KLF13: variants seen among roughly 807,000 people sequenced by gnomAD.
KLF13 encodes the protein KLF transcription factor 13.
In KLF13, 8 loss-of-function variants were observed where a neutral mutation model predicts 16.7. The observed-to-expected ratio is 0.48, with a 90% CI of 0.28 to 0.87. The LOEUF (loss-of-function observed/expected upper bound fraction) is 0.87, where lower values mean the gene tolerates loss of function less well. Ranked by LOEUF, KLF13 falls within the 40% of genes least tolerant of loss-of-function variation. KLF13 has a pLI of 0.10. For missense variants in KLF13, 447 were observed against 452.2 expected, an observed-to-expected ratio of 0.99 and a Z score of 0.10; for synonymous variants, 245 against 208.4, an observed-to-expected ratio of 1.18 and a Z score of -1.51.
chr15:31,429,358 C>T (rs779662162), intron 1 of KLF13, among the ~76,000 whole-genome samples: 2 of 152,116 alleles, frequency 1.3e-5, no homozygotes, highest in South Asian at 2.1e-4. Context: ...TGCCCGATTC[C>T]GCTTACATAT....
At chr15:31,347,500 C>T (rs2039142440) in intron 1 of KLF13, among the ~76,000 whole-genome samples, 1 of 152,184 alleles carries the variant, frequency 6.6e-6, no homozygotes, top group Non-Finnish European at 1.5e-5. Flanking sequence ...GGGGCCCCAC[C>T]TTGACTGTGG....
chr15:31,428,514 T>C (rs555232096), intron 1 of KLF13, among the ~76,000 whole-genome samples: 1 of 152,210 alleles, frequency 6.6e-6, no homozygotes, highest in African/African-American at 2.4e-5. Context: ...TATATAGAAA[T>C]GCCAAGGACC....
rs2038978491 is a variant in KLF13 at position 31,338,934 on chromosome 15, C to T, written c.577+11145C>T. ...AGGTGGGTATACAGGGGAGCAGACC[C>T]CAGGGGGGCCTGAGGAGGGAGGGTG... On this transcript the variant is annotated intron_variant, in intron 1 of 1. Transcript: ENST00000307145. 2.6e-5 allele frequency among the ~76,000 whole-genome samples: 4 copies of T among 152,038 alleles called. No individual in the cohort carries two copies. In the South Asian group the frequency reaches 8.3e-4, roughly 32 times the overall value.
intron 1 of KLF13, among the ~76,000 whole-genome samples, chr15:31,343,914 C>T (rs770941624): frequency 1.3e-5 from 2 of 152,170 alleles, no homozygotes; most frequent in Non-Finnish European, 2.9e-5. Context: ...TACTTCTGGT[C>T]ACTTGTCAGT....
chr15:31,400,553 G>A lies in KLF13; in HGVS notation n.530-2875G>A, dbSNP rs777238795. 1.2e-3 allele frequency among the ~76,000 whole-genome samples: 184 copies of A among 152,312 alleles called. 1 individual carries two copies. Among genetic ancestry groups the A allele is most frequent in the Non-Finnish European group, 5.9e-4 (40 of 68,032 alleles). Reference sequence around the variant, plus strand: ...TGGCTGGTCCCAGAGCTGGGACAGCGGCAAGGCAGGGGGCTGGAGCAGAAC... The same window carrying A: ...TGGCTGGTCCCAGAGCTGGGACAGCAGCAAGGCAGGGGGCTGGAGCAGAAC... On this transcript the variant is annotated intron_variant and non_coding_transcript_variant, in intron 2 of 2. Coordinates refer to the KLF13 transcript ENST00000500533.
chr15:31,349,009 G>A (rs1275560549), intron 1 of KLF13, among the ~76,000 whole-genome samples: 3 of 152,136 alleles, frequency 2.0e-5, no homozygotes. Context: ...CCTTCCAGAG[G>A]CCCCAATTCC....
At chr15:31,406,098 C>G (rs889166101), downstream of KLF13, among the ~76,000 whole-genome samples, 2 of 152,150 alleles carry the variant, frequency 1.3e-5, no homozygotes, top group Admixed American at 6.5e-5. Flanking sequence ...TAAAGTTAAA[C>G]TTCCCAGACT....
rs1020818110 is a variant in KLF13, at chr15:31,373,397, CG to C, written c.*1100del. The stretch of plus-strand genomic sequence containing the variant: ...GACTTGGACCTTTTCAGGAGTGGCG[CG>C]GATGTTACAGGAAATGCTGTCGGAG... On this transcript the variant is annotated 3_prime_UTR_variant, in exon 2 of 2. Coordinates refer to ENST00000307145, the MANE Select transcript of KLF13 (RefSeq NM_015995.4). 6.6e-6 allele frequency: 1 copy of C among 152,232 alleles called. No individual in the cohort carries two copies. The highest frequency in any genetic ancestry group is 2.4e-5 in the African/African-American group (1 of 41,446). 9.4% of individuals were successfully genotyped at this position (152,232 alleles called of 1,614,324 possible).
chr15:31,385,446 G>A (rs1265601806), intron 1 of KLF13, among the ~76,000 whole-genome samples: 1 of 152,158 alleles, frequency 6.6e-6, no homozygotes, highest in African/African-American at 2.4e-5. Flanking sequence ...AGAAATTGAA[G>A]ATTTGTGGCA....
intron 1 of KLF13, among the ~76,000 whole-genome samples, chr15:31,434,085 G>A (rs1256672738): frequency 2.0e-5 from 3 of 152,186 alleles, no homozygotes; most frequent in Non-Finnish European, 4.4e-5. Flanking sequence ...AGGGTAAGAG[G>A]CCTGCCATCA....
intron 1 of KLF13, among the ~76,000 whole-genome samples, chr15:31,352,046 G>A (rs2039225142): frequency 6.6e-6 from 1 of 151,732 alleles, no homozygotes; most frequent in Admixed American, 6.6e-5. Context: ...GAGTTTTGCA[G>A]TGAACAGAAG....
chr15:31,410,961 C>G (rs1439002559), intron 1 of KLF13, among the ~76,000 whole-genome samples: 1 of 151,994 alleles, frequency 6.6e-6, no homozygotes, highest in Admixed American at 6.5e-5. Flanking sequence ...AAGATATGAT[C>G]AAAACTCACT....
In KLF13 at chr15:31,372,282, C is replaced by T; in HGVS notation, c.850C>T (p.Pro284Ser). ...RSDASSPTIS[P>S]ASSP The stretch of plus-strand genomic sequence containing the variant: ...CGACGCCAGCAGCCCCACCATCAGC[C>T]CGGCCAGCTCGCCCTGAGCCCGCCA... The change falls in exon 2 of 2, where the codon CCG (proline) becomes TCG (serine). Residue 284 changes from proline (P) to serine (S), a missense_variant. Around this residue, in one of 2 missense-constraint regions of KLF13, gnomAD observed 88 missense variants for 169.5 expected, o/e 0.52. Transcript: ENST00000307145. 1 of 1,483,304 alleles carries T rather than the reference C, an allele frequency of 6.7e-7. No homozygotes were observed. Among genetic ancestry groups the T allele is most frequent in the South Asian group, 1.3e-5 (1 of 74,844 alleles). The allele number at this position is 1,483,304 out of a possible 1,614,324, so 91.9% of individuals were successfully genotyped here. A position where few individuals can be genotyped will look rare whatever the true frequency, so the allele number is the denominator to read the frequency against.
downstream of KLF13, among the ~76,000 whole-genome samples, chr15:31,407,682 C>G (rs926640995): frequency 1.3e-5 from 2 of 152,104 alleles, no homozygotes; most frequent in African/African-American, 4.8e-5. Context: ...AACTACAGAA[C>G]TAAATCAATA....
At chr15:31,417,461 C>T (rs1486692844) in intron 1 of KLF13, among the ~76,000 whole-genome samples, 1 of 151,914 alleles carries the variant, frequency 6.6e-6, no homozygotes, top group African/African-American at 2.4e-5. Context: ...TGCCACTGCA[C>T]TTGAGCCTGG....
In KLF13 at chr15:31,375,012, A is replaced by G. The variant is rs183068581; in HGVS notation, c.*2713A>G. The G allele has an allele frequency of 1.8e-4, 27 of 152,690 alleles. No individual in the cohort carries two copies. The highest frequency in any genetic ancestry group is 3.8e-4 in the Non-Finnish European group (26 of 68,028). 9.5% of individuals were successfully genotyped at this position (152,690 alleles called of 1,614,324 possible). The stretch of plus-strand genomic sequence containing the variant: ...AGGCGTTGGCTATTTTTGGCATAAG[A>G]GCGTGTCTTCATTCCCAAAGTGGTT... On this transcript the variant is annotated 3_prime_UTR_variant, in exon 2 of 2. Transcript: ENST00000307145.
At chr15:31,395,664 T>G (rs1035367986) in intron 2 of KLF13, among the ~76,000 whole-genome samples, 1 of 152,232 alleles carries the variant, frequency 6.6e-6, no homozygotes, top group African/African-American at 2.4e-5. Context: ...TGTCCTCCTT[T>G]TTGTTCATAG....
intron 1 of KLF13, among the ~76,000 whole-genome samples, chr15:31,369,996 G>A (rs2039532036): frequency 1.3e-5 from 2 of 150,146 alleles, no homozygotes; most frequent in South Asian, 4.2e-4. Context: ...CATTTACCTG[G>A]TCCACCTCTG....
At chr15:31,431,317 T>G (rs2040468875) in intron 1 of KLF13, among the ~76,000 whole-genome samples, 3 of 152,154 alleles carry the variant, frequency 2.0e-5, no homozygotes, top group Non-Finnish European at 4.4e-5. Flanking sequence ...ATTATTATTT[T>G]TTATTATCTC....
Sources: allele counts gnomAD v4.1 joint callset (sites outside exome capture counted in the v4.1 genomes callset), GRCh38; gene constraint gnomAD v4.1.1; regional missense constraint gnomAD v4.1.1; transcripts MANE v1.5; gene names NCBI Gene and HGNC (gene_info 2026-07-23, HGNC 2026-07-21).